Variants in CTNNA2 observed in about 807,000 individuals in gnomAD.
CTNNA2 encodes catenin alpha 2.
In CTNNA2, 42 loss-of-function variants were observed where a neutral mutation model predicts 101.0. That is an observed-to-expected ratio of 0.42 (90% CI 0.32 to 0.54). The LOEUF is 0.54. Among genes scored for constraint, CTNNA2 ranks in the 20% least tolerant of loss-of-function variants. CTNNA2 has a pLI of 0.14. For synonymous variants in CTNNA2, 450 were observed against 456.4 expected, an observed-to-expected ratio of 0.99 and a Z score of 0.18; for missense variants, 871 against 1,223.1, an observed-to-expected ratio of 0.71 and a Z score of 4.29.
At chr2:80,505,581 G>A (rs953310124) in intron 9 of CTNNA2, among the ~76,000 whole-genome samples, 1 of 152,192 alleles carries the variant, frequency 6.6e-6, no homozygotes, top group African/African-American at 2.4e-5. Flanking sequence ...TATCAGCAGT[G>A]TGGTGGATGA....
At chr2:80,288,619 T>G (rs557355052) in intron 7 of CTNNA2, 2 of 152,312 alleles carry the variant, frequency 1.3e-5, no homozygotes, top group South Asian at 4.1e-4. Context: ...CTGGCCCAGA[T>G]TCTTCAGCCT....
intron 7 of CTNNA2, among the ~76,000 whole-genome samples, chr2:80,189,081 T>C (rs1706310658): frequency 6.6e-6 from 1 of 151,054 alleles, no homozygotes; most frequent in Non-Finnish European, 1.5e-5. Context: ...GCCTTCCGAG[T>C]AGCTGGGATT....
At chr2:79,219,998 C>T (rs1674320802) in intron 2 of CTNNA2, among the ~76,000 whole-genome samples, 1 of 152,178 alleles carries the variant, frequency 6.6e-6, no homozygotes, top group Non-Finnish European at 1.5e-5. Context: ...TTCATCTTCA[C>T]ATATGTCTAT....
intron 7 of CTNNA2, among the ~76,000 whole-genome samples, chr2:80,079,384 G>C (rs1698966468): frequency 6.6e-6 from 1 of 152,190 alleles, no homozygotes; most frequent in Non-Finnish European, 1.5e-5. Flanking sequence ...TGGCCTGGCT[G>C]CCCCTGCAGA....
rs555873254 is a variant in CTNNA2 at position 79,375,106 on chromosome 2, T to C, written c.-135+1093T>C. Among the ~76,000 whole-genome samples, 4 of 152,332 alleles carry C rather than the reference T, an allele frequency of 2.6e-5. No individual in the cohort carries two copies. The South Asian group carries it at 6.2e-4, about 24-fold the overall frequency. ...AAATTGTTTGTTGTTGGGTCTCATT[T>C]TGAATTCTCTTTACTATTTCATTCT... is the stretch of plus-strand genomic sequence containing the variant. On this transcript the variant is annotated intron_variant, in intron 4 of 21. Coordinates refer to the CTNNA2 transcript ENST00000466387.
intron 7 of CTNNA2, among the ~76,000 whole-genome samples, chr2:80,241,521 C>T (rs918902417): frequency 6.6e-6 from 1 of 151,964 alleles, no homozygotes; most frequent in African/African-American, 2.4e-5. Flanking sequence ...TTCTTACATT[C>T]CTGTATATAA....
chr2:79,584,364 T>C (rs1358596078), intron 1 of CTNNA2, among the ~76,000 whole-genome samples: 2 of 151,962 alleles, frequency 1.3e-5, no homozygotes, highest in African/African-American at 4.8e-5. Flanking sequence ...GTTGTGGTGA[T>C]TTTTTTTCTT....
chr2:80,107,204 T>G (rs995320392), intron 7 of CTNNA2, among the ~76,000 whole-genome samples: 3 of 152,110 alleles, frequency 2.0e-5, no homozygotes, highest in African/African-American at 7.2e-5. Context: ...TCTCTCCTGA[T>G]TGGTTCTTTC....
At chr2:79,975,958 A>G (rs1431054374) in intron 7 of CTNNA2, among the ~76,000 whole-genome samples, 1 of 152,158 alleles carries the variant, frequency 6.6e-6, no homozygotes, top group Non-Finnish European at 1.5e-5. Flanking sequence ...ATCCCCTACC[A>G]GGAAGTTGGG....
chr2:79,511,710 C>T (rs1671547293), upstream of CTNNA2, among the ~76,000 whole-genome samples: 1 of 152,006 alleles, frequency 6.6e-6, no homozygotes, highest in South Asian at 2.1e-4. Flanking sequence ...CAGTCATTCC[C>T]TAGAGAGAAT....
chr2:79,314,743 C>G (rs2104403481), intron 3 of CTNNA2, among the ~76,000 whole-genome samples: 1 of 152,282 alleles, frequency 6.6e-6, no homozygotes, highest in South Asian at 2.1e-4. Flanking sequence ...TTGCACTCTG[C>G]TATGCTAGAG....
At chr2:80,105,538 A>G (rs1408588384) in intron 7 of CTNNA2, among the ~76,000 whole-genome samples, 2 of 152,160 alleles carry the variant, frequency 1.3e-5, no homozygotes, top group East Asian at 3.9e-4. Context: ...AGCCTGGGCA[A>G]CATAGTGAGA....
intron 3 of CTNNA2, among the ~76,000 whole-genome samples, chr2:79,822,818 A>G (rs1407183125): frequency 1.3e-5 from 2 of 152,218 alleles, no homozygotes; most frequent in Middle Eastern, 3.4e-3. Flanking sequence ...TGTACGCTTA[A>G]AGACAAAACT....
At chr2:79,924,127 T>C (rs1225935780) in intron 7 of CTNNA2, among the ~76,000 whole-genome samples, 1 of 152,102 alleles carries the variant, frequency 6.6e-6, no homozygotes, top group Non-Finnish European at 1.5e-5. Context: ...GGAATACTAT[T>C]CAGTCTTTAA....
At chr2:79,567,004 C>G (rs1261802557) in intron 1 of CTNNA2, among the ~76,000 whole-genome samples, 2 of 152,070 alleles carry the variant, frequency 1.3e-5, no homozygotes, top group African/African-American at 4.8e-5. Context: ...ATACTAGACC[C>G]AACAAATACA....
At chr2:80,578,530 T>C (rs1345088812) in intron 13 of CTNNA2, among the ~76,000 whole-genome samples, 1 of 152,100 alleles carries the variant, frequency 6.6e-6, no homozygotes, top group Non-Finnish European at 1.5e-5. Flanking sequence ...CAAAAAAGAA[T>C]GCCACGAGTA....
chr2:80,310,268 G>A (rs1677438969), intron 7 of CTNNA2, among the ~76,000 whole-genome samples: 1 of 152,214 alleles, frequency 6.6e-6, no homozygotes, highest in Admixed American at 6.5e-5. Flanking sequence ...TAAACACTTA[G>A]AATGGAAAGT....
rs1703912937 is a variant in CTNNA2, at chr2:80,154,804, A to C, written c.1057-238407A>C. Among the ~76,000 whole-genome samples, 3 of 152,226 alleles carry C rather than the reference A, an allele frequency of 2.0e-5. No homozygotes were observed. In the South Asian group the frequency reaches 6.2e-4, roughly 32 times the overall value. On this transcript the variant is annotated intron_variant, in intron 7 of 18. Coordinates refer to ENST00000402739, the MANE Select transcript of CTNNA2 (RefSeq NM_001282597.3). Reference sequence around the variant, plus strand: ...GGAGCCTCCACCTTTAATAACAGCCATTCTCAAACTTTTTAATTTCCTAAA... The same window carrying C: ...GGAGCCTCCACCTTTAATAACAGCCCTTCTCAAACTTTTTAATTTCCTAAA...
intron 7 of CTNNA2, among the ~76,000 whole-genome samples, chr2:80,175,317 A>G (rs1334494300): frequency 2.0e-5 from 3 of 152,150 alleles, no homozygotes; most frequent in Non-Finnish European, 4.4e-5. Context: ...GTCAAATGTT[A>G]TATTTTTTCA....
Sources: gnomAD v4.1 joint callset for allele counts (sites outside exome capture counted in the v4.1 genomes callset) on GRCh38, gnomAD v4.1.1 for gene constraint, MANE v1.5 for transcripts, NCBI Gene and HGNC (gene_info 2026-07-23, HGNC 2026-07-21) for gene names.